RBMS1: variants seen among roughly 807,000 people sequenced by gnomAD.
RBMS1 encodes the protein RNA-binding motif, single-stranded-interacting protein 1.
A neutral mutation model predicts 62.3 loss-of-function variants in RBMS1; 17 were observed. The observed-to-expected ratio is 0.27, with a 90% CI of 0.19 to 0.41. RBMS1 has a LOEUF of 0.41. Ranked by LOEUF, RBMS1 falls within the 10% of genes least tolerant of loss-of-function variation. The pLI is 1.00. For synonymous variants in RBMS1, 172 were observed against 170.0 expected, an observed-to-expected ratio of 1.01 and a Z score of -0.09; for missense variants, 334 against 504.5, an observed-to-expected ratio of 0.66 and a Z score of 3.24.
chr2:160,316,340 G>C (rs1690219709), intron 3 of RBMS1, among the ~76,000 whole-genome samples: 1 of 152,136 alleles, frequency 6.6e-6, no homozygotes, highest in Non-Finnish European at 1.5e-5. Flanking sequence ...GTGAAGCAGA[G>C]AGCCCTGGAA....
At chr2:160,324,907 T>TACACACACAC (rs1183675474) in intron 2 of RBMS1, among the ~76,000 whole-genome samples, 16 of 106,806 alleles carry the variant, frequency 1.5e-4, no homozygotes, top group African/African-American at 3.7e-4. Context: ...TATATATATA[T>TACACACACAC]ACACACACAC....
At chr2:160,472,904 A>C (rs568939159) in intron 1 of RBMS1, among the ~76,000 whole-genome samples, 1 of 152,328 alleles carries the variant, frequency 6.6e-6, no homozygotes, top group East Asian at 1.9e-4. Context: ...GTTTATGTTA[A>C]GAGTTCCAAG....
intron 4 of RBMS1, among the ~76,000 whole-genome samples, chr2:160,308,829 C>T (rs1056007733): frequency 1.3e-5 from 2 of 152,090 alleles, no homozygotes; most frequent in African/African-American, 4.8e-5. Flanking sequence ...GCTGTAGACA[C>T]GACATATAGT....
At chr2:160,319,507 A>G (rs1690431864) in intron 2 of RBMS1, among the ~76,000 whole-genome samples, 1 of 152,186 alleles carries the variant, frequency 6.6e-6, no homozygotes, top group Non-Finnish European at 1.5e-5. Flanking sequence ...GCAAGACTCC[A>G]TCTCAAAAAC....
chr2:160,355,458 T>A (rs1022918363), intron 2 of RBMS1, among the ~76,000 whole-genome samples: 4 of 152,130 alleles, frequency 2.6e-5, no homozygotes, highest in Non-Finnish European at 2.9e-5. Context: ...GATCCCTATA[T>A]TTGTTAATGA....
chr2:160,448,326 G>C (rs901005192), intron 1 of RBMS1, among the ~76,000 whole-genome samples: 7 of 110,058 alleles, frequency 6.4e-5, no homozygotes, highest in Admixed American at 2.7e-4. Flanking sequence ...CTCTTTGCAC[G>C]GTCTCCCTCT....
intron 3 of RBMS1, among the ~76,000 whole-genome samples, chr2:160,316,846 G>C (rs1291828888): frequency 9.9e-6 from 1 of 100,520 alleles, no homozygotes; most frequent in Admixed American, 1.6e-4. Flanking sequence ...AGTGATGTTG[G>C]TGATCAGCCT....
chr2:160,307,811 G>A (rs1689622298), intron 4 of RBMS1, among the ~76,000 whole-genome samples: 1 of 152,198 alleles, frequency 6.6e-6, no homozygotes, highest in South Asian at 2.1e-4. Context: ...ACAAAGCGCT[G>A]AAAATTAAAA....
intron 2 of RBMS1, among the ~76,000 whole-genome samples, chr2:160,323,919 C>T (rs1003902301): frequency 1.3e-5 from 2 of 152,190 alleles, no homozygotes; most frequent in Admixed American, 1.3e-4. Flanking sequence ...CTTTAGTTTA[C>T]ACCACAGTTT....
intron 2 of RBMS1, among the ~76,000 whole-genome samples, chr2:160,351,604 A>T (rs1224038476): frequency 6.6e-6 from 1 of 152,166 alleles, no homozygotes; most frequent in Admixed American, 6.6e-5. Flanking sequence ...GATGTCAATC[A>T]AGCTAAAAGT....
chr2:160,320,736 C>T (rs1159568373), intron 2 of RBMS1, among the ~76,000 whole-genome samples: 7 of 152,120 alleles, frequency 4.6e-5, no homozygotes, highest in Admixed American at 1.3e-4. Context: ...AAGCAGCAAG[C>T]GCTGATGCTG....
intron 2 of RBMS1, among the ~76,000 whole-genome samples, chr2:160,356,190 C>T (rs900601383): frequency 6.6e-6 from 1 of 152,084 alleles, no homozygotes; most frequent in Non-Finnish European, 1.5e-5. Context: ...GGGAGCTGCA[C>T]ATTAGACAGC....
chr2:160,321,730 C>A (rs1480632088), intron 2 of RBMS1, among the ~76,000 whole-genome samples: 1 of 152,144 alleles, frequency 6.6e-6, no homozygotes, highest in Admixed American at 6.5e-5. Context: ...AGCTCGGGGT[C>A]CTCGTGCCAC....
chr2:160,392,252 TAC>T (rs1292145263), intron 1 of RBMS1, among the ~76,000 whole-genome samples: 1 of 152,218 alleles, frequency 6.6e-6, no homozygotes, highest in Non-Finnish European at 1.5e-5. Flanking sequence ...AGAAGGATCC[TAC>T]ACATCAGGGG....
intron 1 of RBMS1, among the ~76,000 whole-genome samples, chr2:160,455,746 C>T (rs933941580): frequency 1.4e-5 from 2 of 144,618 alleles, no homozygotes; most frequent in Non-Finnish European, 3.0e-5. Context: ...TGCAGTGGCG[C>T]GATCTCGGCT....
chr2:160,371,156 CT>C (rs757552950), intron 1 of RBMS1, among the ~76,000 whole-genome samples: 1 of 152,184 alleles, frequency 6.6e-6, no homozygotes, highest in Non-Finnish European at 1.5e-5. Context: ...AGCTTCAGAA[CT>C]CTGATAAATT....
intron 1 of RBMS1, among the ~76,000 whole-genome samples, chr2:160,370,226 C>T (rs1261265369): frequency 1.3e-5 from 2 of 152,198 alleles, no homozygotes; most frequent in Non-Finnish European, 2.9e-5. Flanking sequence ...TTTCTTGGGG[C>T]TAACTGAAGA....
intron 6 of RBMS1, among the ~76,000 whole-genome samples, chr2:160,294,457 A>T (rs1038149304): frequency 6.6e-6 from 1 of 152,178 alleles, no homozygotes; most frequent in Admixed American, 6.5e-5. Flanking sequence ...GGGTATGGAA[A>T]GAATATGGTG....
intron 2 of RBMS1, among the ~76,000 whole-genome samples, chr2:160,343,783 G>A (rs542650304): frequency 6.6e-5 from 10 of 152,170 alleles, no homozygotes; most frequent in Admixed American, 2.6e-4. Flanking sequence ...TATCCAGAAG[G>A]CAAGACCACA....
Sources: allele counts gnomAD v4.1 joint callset (sites outside exome capture counted in the v4.1 genomes callset), GRCh38; gene constraint gnomAD v4.1.1; transcripts MANE v1.5; gene names NCBI Gene and HGNC (gene_info 2026-07-23, HGNC 2026-07-21).